Variants in RORA observed in about 807,000 individuals in gnomAD.
The protein encoded by RORA is RAR related orphan receptor A.
RORA carries 7 observed loss-of-function variants against 69.5 expected under a neutral mutation model. The ratio of observed to expected loss-of-function variants is 0.10; its 90% CI spans 0.06 to 0.19. The LOEUF (loss-of-function observed/expected upper bound fraction) is 0.19, where lower values mean the gene tolerates loss of function less well. Among genes scored for constraint, RORA ranks in the 10% least tolerant of loss-of-function variants. The pLI, the probability that RORA is intolerant of heterozygous loss-of-function variation, is 1.00. For synonymous variants in RORA, 261 were observed against 240.8 expected, an observed-to-expected ratio of 1.08 and a Z score of -0.78; for missense variants, 457 against 663.0, an observed-to-expected ratio of 0.69 and a Z score of 3.41.
intron 1 of RORA, among the ~76,000 whole-genome samples, chr15:60,745,879 G>T (rs751309629): frequency 6.6e-6 from 1 of 152,070 alleles, no homozygotes; most frequent in Non-Finnish European, 1.5e-5. Context: ...ACTGGATGCC[G>T]CTGGGTCTTT....
At chr15:61,222,786 T>C (rs753628742) in intron 1 of RORA, among the ~76,000 whole-genome samples, 1 of 152,200 alleles carries the variant, frequency 6.6e-6, no homozygotes, top group Non-Finnish European at 1.5e-5. Flanking sequence ...AGGGTTTCCT[T>C]TGGGGCAATC....
At chr15:60,959,718 C>T (rs1893362528) in intron 1 of RORA, among the ~76,000 whole-genome samples, 2 of 152,122 alleles carry the variant, frequency 1.3e-5, no homozygotes, top group Admixed American at 1.3e-4. Context: ...TTTAAACACC[C>T]TGGGAAACTG....
intron 1 of RORA, chr15:60,686,907 C>T (rs533261212): frequency 5.3e-5 from 8 of 152,270 alleles, no homozygotes; most frequent in South Asian, 4.1e-4. Flanking sequence ...GATAGACAAC[C>T]TAAATCATAC....
intron 1 of RORA, among the ~76,000 whole-genome samples, chr15:61,153,885 G>A (rs1166584627): frequency 6.6e-6 from 1 of 152,234 alleles, no homozygotes; most frequent in African/African-American, 2.4e-5. Flanking sequence ...TATCATTCAT[G>A]CTAGCTAGCA....
chr15:61,013,787 T>C (rs1895176041), intron 1 of RORA, among the ~76,000 whole-genome samples: 1 of 144,952 alleles, frequency 6.9e-6, no homozygotes, highest in South Asian at 2.3e-4. Context: ...GGCTTTTTTT[T>C]TTTTTTTTTT....
chr15:60,516,059 A>ATT (rs1241093616), intron 3 of RORA, among the ~76,000 whole-genome samples: 3,824 of 22,260 alleles, frequency 0.17, 1,222 homozygotes, highest in East Asian at 0.53. Flanking sequence ...ATATATATTT[A>ATT]TATATATTTA....
intron 1 of RORA, among the ~76,000 whole-genome samples, chr15:60,798,651 C>T (rs1362898301): frequency 6.6e-6 from 1 of 151,930 alleles, no homozygotes; most frequent in East Asian, 1.9e-4. Flanking sequence ...ATGGGAAGTG[C>T]CAGCAAACCC....
chr15:60,947,177 C>A (rs1379437048), intron 1 of RORA, among the ~76,000 whole-genome samples: 1 of 152,216 alleles, frequency 6.6e-6, no homozygotes, highest in Admixed American at 6.5e-5. Flanking sequence ...CCAGCCGCCA[C>A]CCCGTCTGGG....
chr15:60,705,067 T>C (rs1175391954), intron 1 of RORA, among the ~76,000 whole-genome samples: 1 of 152,088 alleles, frequency 6.6e-6, no homozygotes, highest in Non-Finnish European at 1.5e-5. Flanking sequence ...TTTTGCTTTG[T>C]GTTTTGTTTT....
intron 1 of RORA, among the ~76,000 whole-genome samples, chr15:61,166,539 C>G (rs1193175676): frequency 6.6e-6 from 1 of 152,148 alleles, no homozygotes; most frequent in Non-Finnish European, 1.5e-5. Flanking sequence ...CCATTGACAA[C>G]CGTTATATCA....
At chr15:60,524,962 T>G (rs1444702015) in intron 3 of RORA, among the ~76,000 whole-genome samples, 1 of 152,130 alleles carries the variant, frequency 6.6e-6, no homozygotes, top group Non-Finnish European at 1.5e-5. Context: ...GGATTTGAAT[T>G]CCTGAATCCT....
At chr15:60,502,047 C>T (rs541749553) in intron 8 of RORA, among the ~76,000 whole-genome samples, 1 of 152,318 alleles carries the variant, frequency 6.6e-6, no homozygotes, top group East Asian at 1.9e-4. Context: ...GTGGCATGAT[C>T]TCAGCTCAGT....
chr15:60,990,694 G>A (rs1894347548), intron 1 of RORA, among the ~76,000 whole-genome samples: 1 of 151,806 alleles, frequency 6.6e-6, no homozygotes, highest in Non-Finnish European at 1.5e-5. Flanking sequence ...CACTGTGTAT[G>A]CACACACACA....
chr15:61,089,370 T>A (rs2078671744), intron 1 of RORA, among the ~76,000 whole-genome samples: 1 of 152,188 alleles, frequency 6.6e-6, no homozygotes, highest in Non-Finnish European at 1.5e-5. Flanking sequence ...ACATCCTGTT[T>A]CTCACAGATG....
chr15:61,069,772 A>G (rs1178047090), intron 1 of RORA, among the ~76,000 whole-genome samples: 1 of 152,188 alleles, frequency 6.6e-6, no homozygotes, highest in South Asian at 2.1e-4. Flanking sequence ...TCTCCTCTTG[A>G]AATTTTAGGG....
chr15:60,869,541 T>C (rs763775257), intron 1 of RORA, among the ~76,000 whole-genome samples: 119 of 152,194 alleles, frequency 7.8e-4, no homozygotes, highest in Admixed American at 1.8e-3. Context: ...TCTCTCCAAA[T>C]AGACTCTTAT....
chr15:60,671,212 G>T (rs956196442), intron 2 of RORA, among the ~76,000 whole-genome samples: 2 of 151,468 alleles, frequency 1.3e-5, no homozygotes, highest in Admixed American at 1.3e-4. Flanking sequence ...AGTTATAAAT[G>T]AATTACTAAG....
chr15:60,740,815 T>C (rs2071566250), intron 1 of RORA, among the ~76,000 whole-genome samples: 1 of 152,180 alleles, frequency 6.6e-6, no homozygotes, highest in African/African-American at 2.4e-5. Flanking sequence ...CTCACAGCTT[T>C]GGTGGTTTTA....
At chr15:60,609,698 C>G (rs937948799) in intron 2 of RORA, among the ~76,000 whole-genome samples, 1 of 152,142 alleles carries the variant, frequency 6.6e-6, no homozygotes, top group South Asian at 2.1e-4. Context: ...TCATGATACA[C>G]GAATCCTCAT....
Sources: allele counts gnomAD v4.1 joint callset (sites outside exome capture counted in the v4.1 genomes callset), GRCh38; gene constraint gnomAD v4.1.1; transcripts MANE v1.5; gene names NCBI Gene and HGNC (gene_info 2026-07-23, HGNC 2026-07-21).